Variants in KLHL22 observed in about 807,000 individuals in gnomAD.
The protein encoded by KLHL22 is kelch like family member 22.
KLHL22 carries 18 observed loss-of-function variants against 60.7 expected under a neutral mutation model. That is an observed-to-expected ratio of 0.30 (90% CI 0.20 to 0.44). The LOEUF is 0.44. Ranked by LOEUF, KLHL22 falls within the 20% of genes least tolerant of loss-of-function variation. The pLI is 1.00. For synonymous variants in KLHL22, 355 were observed against 354.5 expected, an observed-to-expected ratio of 1.00 and a Z score of -0.01; for missense variants, 596 against 852.3, an observed-to-expected ratio of 0.70 and a Z score of 3.74.
At chr22:20,451,324 A>G in intron 5 of KLHL22, 1 of 1,610,460 alleles carries the variant, frequency 6.2e-7, no homozygotes, top group Admixed American at 1.7e-5. Flanking sequence ...TGATCCAAAC[A>G]TTGACCAGAG....
At chr22:20,452,068 A>T (rs2052988360) in intron 5 of KLHL22, among the ~76,000 whole-genome samples, 1 of 151,966 alleles carries the variant, frequency 6.6e-6, no homozygotes, top group Non-Finnish European at 1.5e-5. Flanking sequence ...GAGAGACCAC[A>T]TTACCTCTCC....
At chr22:20,462,159 C>T (rs182033841) in intron 4 of KLHL22, among the ~76,000 whole-genome samples, 3 of 151,392 alleles carry the variant, frequency 2.0e-5, no homozygotes, top group Admixed American at 6.6e-5. Context: ...CGCCTGTAAT[C>T]CCAGCTATTC....
chr22:20,495,779 A>G lies in KLHL22; in HGVS notation c.-53T>C. On this transcript the variant is annotated 5_prime_UTR_variant, in exon 1 of 7. Coordinates refer to ENST00000328879, the MANE Select transcript of KLHL22 (RefSeq NM_032775.4). The surrounding 1 kb of genome is among the most constrained non-coding windows in gnomAD (Gnocchi z 4.6). ...GCTGACCTGGTGCCGCCGCCAGCCG[A>G]GGCCGCACTCGCAGCTGGAGGGAGG... 6.6e-6 allele frequency: 1 copy of G among 151,418 alleles called. No homozygotes were observed. The highest frequency in any genetic ancestry group is 1.5e-5 in the Non-Finnish European group (1 of 67,654). 9.4% of individuals were successfully genotyped at this position (151,418 alleles called of 1,614,324 possible). A position where few individuals can be genotyped will look rare whatever the true frequency, so the allele number is the denominator to read the frequency against.
intron 2 of KLHL22, among the ~76,000 whole-genome samples, chr22:20,477,002 G>C (rs924970866): frequency 6.6e-6 from 1 of 151,550 alleles, no homozygotes; most frequent in Non-Finnish European, 1.5e-5. Flanking sequence ...CACCACGTCT[G>C]GCCGGACACA....
chr22:20,483,541 A>C, intron 2 of KLHL22: 3 of 724,842 alleles, frequency 4.1e-6, no homozygotes, highest in Non-Finnish European at 7.7e-6. Context: ...GGTGTCATCA[A>C]TCACTTTGCG....
rs1036419839 is a variant in KLHL22, at chr22:20,487,362, C to T, written c.227+1623G>A. Among the ~76,000 whole-genome samples the T allele has an allele frequency of 1.5e-4, 22 of 149,632 alleles. No individual in the cohort carries two copies. The South Asian group carries it at 3.0e-3, about 20-fold the overall frequency. On this transcript the variant is annotated intron_variant, in intron 2 of 6. Transcript: ENST00000328879. ...CCTCCCAAGTAGCTGGGATTACAGG[C>T]GCCCACCACTACACCCAGCTAATTT...
intron 5 of KLHL22, chr22:20,451,908 G>A: frequency 8.0e-7 from 1 of 1,246,074 alleles, no homozygotes; most frequent in Non-Finnish European, 1.2e-6. Context: ...TAGAATGTCT[G>A]TTTCTCACTA....
At chr22:20,483,675 A>G (rs1396882213) in intron 2 of KLHL22, 8 of 732,144 alleles carry the variant, frequency 1.1e-5, no homozygotes, top group Admixed American at 1.0e-4. Flanking sequence ...CGTTGTCCAC[A>G]GTATTTGCAA....
chr22:20,453,706 T>A (rs1361457678), intron 5 of KLHL22, among the ~76,000 whole-genome samples: 6 of 152,156 alleles, frequency 3.9e-5, no homozygotes, highest in Non-Finnish European at 7.3e-5. Flanking sequence ...AAATCAAAAT[T>A]AAAAAATTTA....
intron 5 of KLHL22, among the ~76,000 whole-genome samples, chr22:20,452,045 A>T (rs1160459985): frequency 6.6e-6 from 1 of 152,060 alleles, no homozygotes; most frequent in African/African-American, 2.4e-5. Flanking sequence ...AAGAATGCAC[A>T]TTGAATGGAT....
intron 2 of KLHL22, among the ~76,000 whole-genome samples, chr22:20,484,875 T>C (rs2053561263): frequency 6.6e-6 from 1 of 151,670 alleles, no homozygotes; most frequent in Non-Finnish European, 1.5e-5. Context: ...TAGCTGGGAC[T>C]ATAGGCCACG....
chr22:20,442,005 T>C lies in KLHL22; in HGVS notation c.*68A>G. 1 of 1,468,450 alleles carries C rather than the reference T, an allele frequency of 6.8e-7. No individual in the cohort carries two copies. The highest frequency in any genetic ancestry group is 1.4e-5 in the South Asian group (1 of 69,366). 91.0% of individuals were successfully genotyped at this position (1,468,450 alleles called of 1,614,324 possible). On this transcript the variant is annotated 3_prime_UTR_variant, in exon 7 of 7. Transcript: ENST00000328879. ...CTGCCTGGAGTAAAGTGCTCTGGCCTAGGCTGCGTGGGTTTCACTGCCCTG... is the reference window on the plus strand; with the variant it reads ...CTGCCTGGAGTAAAGTGCTCTGGCCCAGGCTGCGTGGGTTTCACTGCCCTG...
Position 20,442,414 on chromosome 22 carries a change from C to T in KLHL22, c.1564G>A (p.Gly522Arg). 1.2e-6 allele frequency: 2 copies of T among 1,603,000 alleles called. No individual in the cohort carries two copies. Among genetic ancestry groups the T allele is most frequent in the Non-Finnish European group, 1.7e-6 (2 of 1,172,882 alleles). ...HQVACYSCTS[G>R]QWSSVCPLPA... The stretch of plus-strand genomic sequence containing the variant: ...AGTGGGCAGACAGATGACCACTGTC[C>T]AGACGTGCAGCTGTAGCAGGCCACC... Residue 522 changes from glycine to arginine, a missense_variant, in exon 7 of 7, where the codon GGA becomes AGA. Gly to Arg is a moderately radical substitution (Grantham distance 125). Coordinates refer to ENST00000328879, the MANE Select transcript of KLHL22 (RefSeq NM_032775.4).
intron 1 of KLHL22, chr22:20,489,859 T>C: frequency 1.1e-5 from 5 of 467,578 alleles, no homozygotes; most frequent in Non-Finnish European, 2.2e-5. Flanking sequence ...TTTACTGAAA[T>C]TCTGAGAGTC....
At chr22:20,455,044 G>A (rs1312981526) in intron 5 of KLHL22, among the ~76,000 whole-genome samples, 1 of 152,132 alleles carries the variant, frequency 6.6e-6, no homozygotes, top group Admixed American at 6.5e-5. Context: ...ACCATGCTCA[G>A]CTAATTTTTG....
intron 5 of KLHL22, among the ~76,000 whole-genome samples, chr22:20,452,852 T>C (rs574201057): frequency 2.6e-4 from 39 of 152,354 alleles, no homozygotes; most frequent in African/African-American, 9.1e-4. Flanking sequence ...TACTGCCCCA[T>C]TCTTTTAGAA....
chr22:20,495,061 C>T lies in KLHL22; in HGVS notation c.-34+699G>A, dbSNP rs151273544. ...TCCAAAGGGTGCGCTCTGGAAGAAT[C>T]TCCCAGGGAGCCGTCTTGGAGGCAC... On this transcript the variant is annotated intron_variant, in intron 1 of 6. Coordinates refer to ENST00000328879, the MANE Select transcript of KLHL22 (RefSeq NM_032775.4). This position sits in a 1 kb window ranked among gnomAD's most constrained non-coding sequence, Gnocchi z 4.6. Among the ~76,000 whole-genome samples the T allele has an allele frequency of 6.6e-6, 1 of 152,324 alleles. No homozygotes were observed. Among genetic ancestry groups the T allele is most frequent in the Non-Finnish European group, 1.5e-5 (1 of 68,022 alleles).
chr22:20,457,826 C>T lies in KLHL22; in HGVS notation c.1287G>A (p.Val429=), dbSNP rs1169398689. ...YDPATNSWAY[V]APLKREVYAH... ...TCCTTACCTCCCTCTTGAGTGGGGC[C>T]ACGTATGCCCAGGAGTTGGTGGCAG... The change falls in exon 5 of 7, where the codon GTG becomes GTA. Residue 429 remains valine (V), a synonymous_variant. Coordinates refer to ENST00000328879, the MANE Select transcript of KLHL22 (RefSeq NM_032775.4). The T allele has an allele frequency of 1.7e-5, 27 of 1,603,928 alleles. No individual in the cohort carries two copies. The highest frequency in any genetic ancestry group is 2.3e-5 in the Non-Finnish European group (27 of 1,175,168).
chr22:20,482,926 A>G (rs1438897849), intron 2 of KLHL22: 9 of 1,049,644 alleles, frequency 8.6e-6, no homozygotes, highest in Non-Finnish European at 1.3e-5. Context: ...TGTCCAGGGC[A>G]TCACCAAGAC....
Sources: gnomAD v4.1 joint callset for allele counts (sites outside exome capture counted in the v4.1 genomes callset) on GRCh38, gnomAD v4.1.1 for gene constraint, Gnocchi (gnomAD v3.1) non-coding constraint, MANE v1.5 for transcripts, NCBI Gene and HGNC (gene_info 2026-07-23, HGNC 2026-07-21) for gene names.